LINGO2: variants seen among roughly 807,000 people sequenced by gnomAD.
The protein encoded by LINGO2 is leucine-rich repeat and immunoglobulin-like domain-containing nogo receptor-interacting protein 2.
LINGO2 carries 14 observed loss-of-function variants against 30.6 expected under a neutral mutation model. The ratio of observed to expected loss-of-function variants is 0.46; its 90% confidence interval spans 0.30 to 0.72. The LOEUF (loss-of-function observed/expected upper bound fraction) is 0.72, where lower values mean the gene tolerates loss of function less well. Ranked by LOEUF, LINGO2 falls within the 30% of genes least tolerant of loss-of-function variation. The pLI is 0.07. For missense variants in LINGO2, 729 were observed against 751.7 expected (o/e 0.97, Z 0.35); for synonymous variants, 317 against 288.5 (o/e 1.10, Z -1.00).
At chr9:28,610,360 C>T (rs1825863635) in intron 1 of LINGO2, among the ~76,000 whole-genome samples, 1 of 152,188 alleles carries the variant, frequency 6.6e-6, no homozygotes, top group East Asian at 1.9e-4. Context: ...ATTTCACTTC[C>T]TCCAATTATC....
At chr9:28,640,128 T>TA (rs1443204848) in intron 1 of LINGO2, among the ~76,000 whole-genome samples, 8 of 152,154 alleles carry the variant, frequency 5.3e-5, no homozygotes, top group African/African-American at 1.9e-4. Context: ...TTCTTTTCTT[T>TA]AAGAATGTTG....
At chr9:28,121,538 CA>C (rs1257217170) in intron 4 of LINGO2, among the ~76,000 whole-genome samples, 1 of 152,102 alleles carries the variant, frequency 6.6e-6, no homozygotes, top group Non-Finnish European at 1.5e-5. Context: ...AACAAAGGGA[CA>C]TAGTCCTTTT....
the LINGO2 span, among the ~76,000 whole-genome samples, chr9:28,980,272 G>A: frequency 9.0e-3 from 1,363 of 152,166 alleles, 27 homozygotes; most frequent in African/African-American, 0.031. Flanking sequence ...GAGTATTGCA[G>A]GAGGCTTCTA....
At chr9:28,066,820 T>A (rs371812818) in intron 4 of LINGO2, among the ~76,000 whole-genome samples, 5 of 152,216 alleles carry the variant, frequency 3.3e-5, no homozygotes, top group African/African-American at 7.2e-5. Flanking sequence ...AGCAATAATG[T>A]GTTATTCATA....
chr9:28,829,868 C>T, the LINGO2 span, among the ~76,000 whole-genome samples: 18 of 151,680 alleles, frequency 1.2e-4, no homozygotes, highest in South Asian at 2.1e-4. Context: ...CCAGCCTGGG[C>T]GAAAGAGAGA....
chr9:29,063,071 G>A, the LINGO2 span, among the ~76,000 whole-genome samples: 2 of 151,986 alleles, frequency 1.3e-5, no homozygotes, highest in South Asian at 4.2e-4. Flanking sequence ...ATCTATGAGG[G>A]GAAACAATTG....
intron 1 of LINGO2, among the ~76,000 whole-genome samples, chr9:28,609,399 T>C (rs1412872066): frequency 2.0e-5 from 3 of 151,848 alleles, no homozygotes; most frequent in Non-Finnish European, 4.4e-5. Flanking sequence ...AAACGGTTCA[T>C]ATGAATCAAT....
chr9:28,436,117 C>A (rs949182732), intron 2 of LINGO2, among the ~76,000 whole-genome samples: 3 of 152,168 alleles, frequency 2.0e-5, no homozygotes, highest in African/African-American at 7.2e-5. Flanking sequence ...TTCTCAGAAG[C>A]TTTTGACCAA....
At chr9:28,712,496 C>G in the LINGO2 span, among the ~76,000 whole-genome samples, 1 of 150,622 alleles carries the variant, frequency 6.6e-6, no homozygotes, top group East Asian at 1.9e-4. Flanking sequence ...TCTAGAATGC[C>G]TATGATTGAA....
intron 5 of LINGO2, among the ~76,000 whole-genome samples, chr9:27,976,324 A>C (rs1820592884): frequency 6.6e-6 from 1 of 152,002 alleles, no homozygotes; most frequent in Admixed American, 6.6e-5. Context: ...TGGGGCCCCC[A>C]AAATCTGTGT....
At chr9:28,132,725 A>G (rs1264826839) in intron 4 of LINGO2, among the ~76,000 whole-genome samples, 1 of 152,254 alleles carries the variant, frequency 6.6e-6, no homozygotes, top group Non-Finnish European at 1.5e-5. Context: ...GATTCAACGA[A>G]AAGACTGAGT....
intron 4 of LINGO2, among the ~76,000 whole-genome samples, chr9:28,228,807 TA>T (rs1821258965): frequency 1.3e-5 from 2 of 151,730 alleles, no homozygotes; most frequent in South Asian, 4.1e-4. Context: ...ATTTTGGAAT[TA>T]TTTTTTAGTT....
the LINGO2 span, among the ~76,000 whole-genome samples, chr9:28,905,024 C>T: frequency 6.6e-6 from 1 of 151,640 alleles, no homozygotes; most frequent in South Asian, 2.1e-4. Context: ...ACACAACGGG[C>T]AAAGAACAGT....
the LINGO2 span, among the ~76,000 whole-genome samples, chr9:28,905,723 G>T: frequency 6.6e-6 from 1 of 152,026 alleles, no homozygotes. Context: ...ATGTAAATTA[G>T]TATGGCTATC....
the LINGO2 span, among the ~76,000 whole-genome samples, chr9:29,138,290 G>A: frequency 6.6e-6 from 1 of 151,220 alleles, no homozygotes; most frequent in Non-Finnish European, 1.5e-5. Flanking sequence ...ACTTTTAAAA[G>A]TTCCCTTCTT....
the LINGO2 span, among the ~76,000 whole-genome samples, chr9:29,129,510 G>A: frequency 6.6e-6 from 1 of 152,020 alleles, no homozygotes; most frequent in East Asian, 1.9e-4. Context: ...CAACTAAAAA[G>A]TGCTCATATC....
the LINGO2 span, among the ~76,000 whole-genome samples, chr9:28,848,045 GTATATATA>G: frequency 1.7e-4 from 3 of 17,824 alleles, 1 homozygote; most frequent in African/African-American, 5.8e-4. Context: ...ACTATATATA[GTATATATA>G]TATATATATG....
At chr9:29,064,660 T>C in the LINGO2 span, among the ~76,000 whole-genome samples, 1 of 152,060 alleles carries the variant, frequency 6.6e-6, no homozygotes, top group Non-Finnish European at 1.5e-5. Flanking sequence ...AACATCTTTA[T>C]TAAATAATAC....
chr9:28,584,099 A>T (rs776853956), intron 1 of LINGO2, among the ~76,000 whole-genome samples: 1 of 152,016 alleles, frequency 6.6e-6, no homozygotes, highest in African/African-American at 2.4e-5. Flanking sequence ...ATAAGTTTCT[A>T]TTATTTACAT....
Sources: gnomAD v4.1 joint callset for allele counts (sites outside exome capture counted in the v4.1 genomes callset) on GRCh38, gnomAD v4.1.1 for gene constraint, MANE v1.5 for transcripts, NCBI Gene and HGNC (gene_info 2026-07-23, HGNC 2026-07-21) for gene names.